The following CSMD1 variants were observed in gnomAD, a reference collection of about 807,000 sequenced individuals.
The protein encoded by CSMD1 is CUB and sushi domain-containing protein 1.
A neutral mutation model predicts 417.5 loss-of-function variants in CSMD1; 213 were observed. The observed-to-expected ratio is 0.51, with a 90% CI of 0.46 to 0.57. The LOEUF (loss-of-function observed/expected upper bound fraction) is 0.57, where lower values mean the gene tolerates loss of function less well. CSMD1 is among the 20% of genes least tolerant of loss of function. The pLI, the probability that CSMD1 is intolerant of heterozygous loss-of-function variation, is 0.00. For missense variants in CSMD1, 6,923 were observed against 4,529.7 expected (o/e 1.53, Z -15.17); for synonymous variants, 2,862 against 1,736.8 (o/e 1.65, Z -16.11).
At chr8:4,501,342 T>C (rs1453525487) in intron 2 of CSMD1, among the ~76,000 whole-genome samples, 1 of 152,176 alleles carries the variant, frequency 6.6e-6, no homozygotes, top group African/African-American at 2.4e-5. Flanking sequence ...GGTCATCATC[T>C]CATTTAAGGT....
At chr8:4,361,135 G>A (rs929653957) in intron 3 of CSMD1, among the ~76,000 whole-genome samples, 9 of 152,224 alleles carry the variant, frequency 5.9e-5, no homozygotes, top group African/African-American at 2.2e-4. Context: ...GAATCTCTGA[G>A]CTGAAGCTTT....
chr8:4,412,220 G>A (rs1796689031), intron 3 of CSMD1, among the ~76,000 whole-genome samples: 1 of 152,106 alleles, frequency 6.6e-6, no homozygotes, highest in Non-Finnish European at 1.5e-5. Flanking sequence ...CCCCAGTATT[G>A]GAGGTAGGGC....
At chr8:4,028,576 A>G (rs930305438) in intron 4 of CSMD1, among the ~76,000 whole-genome samples, 14 of 152,238 alleles carry the variant, frequency 9.2e-5, no homozygotes. Context: ...AGGAAATAAT[A>G]TAATGTTACA....
chr8:3,681,081 C>A (rs1032373785), intron 7 of CSMD1, among the ~76,000 whole-genome samples: 6 of 152,164 alleles, frequency 3.9e-5, no homozygotes, highest in African/African-American at 1.4e-4. Flanking sequence ...CAGCCAATAT[C>A]ATACTGAATG....
chr8:3,403,438 C>A (rs761565243), intron 15 of CSMD1, among the ~76,000 whole-genome samples: 2 of 152,192 alleles, frequency 1.3e-5, no homozygotes, highest in African/African-American at 2.4e-5. Context: ...TGCACTCAGT[C>A]ATTAGGTTTC....
At position 3,468,736 on chromosome 8, in the gene CSMD1, G is replaced by T. The variant is rs755820047; in HGVS notation, c.1537C>A (p.Pro513Thr). 3.0e-5 allele frequency: 48 copies of T among 1,604,974 alleles called. No homozygotes were observed. In the East Asian group the frequency reaches 9.2e-4, roughly 31 times the overall value. Reference sequence around the variant, plus strand: ...CCTTGGTAAACAGCTTTAAACCCAGGTGAGCCAATGCTATCATCCGACTGC... The same window carrying T: ...CCTTGGTAAACAGCTTTAAACCCAGTTGAGCCAATGCTATCATCCGACTGC... ...HLQSDDSIGS[P>T]GFKAVYQEIE... The change falls in exon 12 of 70, where the codon CCT (proline) becomes ACT (threonine). Residue 513 changes from proline to threonine, a missense_variant. By Grantham distance (38) the Pro-to-Thr change is conservative. Transcript: ENST00000635120.
At chr8:3,035,497 G>A (rs1006196261) in intron 50 of CSMD1, among the ~76,000 whole-genome samples, 1 of 152,092 alleles carries the variant, frequency 6.6e-6, no homozygotes, top group African/African-American at 2.4e-5. Context: ...CTGAACACTA[G>A]AAACAATACG....
At chr8:2,983,328 A>C (rs1309452298) in intron 54 of CSMD1, among the ~76,000 whole-genome samples, 2 of 152,034 alleles carry the variant, frequency 1.3e-5, no homozygotes, top group African/African-American at 4.8e-5. Flanking sequence ...CTGGTACTAC[A>C]GGCACCCGCC....
intron 1 of CSMD1, among the ~76,000 whole-genome samples, chr8:4,813,677 C>A (rs1469544219): frequency 6.6e-6 from 1 of 152,104 alleles, no homozygotes; most frequent in African/African-American, 2.4e-5. Flanking sequence ...GAGAATGACA[C>A]ACTATTAAGA....
rs1342443686 is a variant in CSMD1 at position 3,448,325 on chromosome 8, GAGCA to G, written c.1561+20383_1561+20386del. ...GTGGGAAGGAAGGAAGGAAGGAAGG[GAGCA>G]AGGGAGGGAGGGAGGGAGGAAGGAA... On this transcript the variant is annotated intron_variant, in intron 12 of 69. Coordinates refer to ENST00000635120, the MANE Select transcript of CSMD1 (RefSeq NM_033225.6). 2.7e-3 allele frequency among the ~76,000 whole-genome samples: 111 copies of G among 41,188 alleles called. 6 individuals are homozygous for G. The highest frequency in any genetic ancestry group is 9.5e-3 in the African/African-American group (72 of 7,580). 27.0% of individuals were successfully genotyped at this position (41,188 alleles called of 152,430 possible).
intron 5 of CSMD1, among the ~76,000 whole-genome samples, chr8:3,787,951 G>C (rs1421809313): frequency 6.6e-6 from 1 of 152,150 alleles, no homozygotes; most frequent in Middle Eastern, 3.2e-3. Flanking sequence ...AGAAATCCTT[G>C]CATGGGCTCC....
intron 4 of CSMD1, among the ~76,000 whole-genome samples, chr8:4,002,199 C>T (rs2554672): frequency 0.64 from 97,128 of 151,870 alleles, 31,263 homozygotes; most frequent in South Asian, 0.74. Flanking sequence ...GTGTTGGTGC[C>T]TGTGAGTGTG....
chr8:3,557,682 T>C (rs2116829684), intron 10 of CSMD1, among the ~76,000 whole-genome samples: 1 of 152,278 alleles, frequency 6.6e-6, no homozygotes, highest in South Asian at 2.1e-4. Context: ...ATAATCATTT[T>C]ACAATTCTCT....
chr8:3,283,890 C>G (rs1219038797), intron 26 of CSMD1, among the ~76,000 whole-genome samples: 1 of 152,232 alleles, frequency 6.6e-6, no homozygotes, highest in Admixed American at 6.5e-5. Flanking sequence ...GTTCCAGTGG[C>G]ATGCAAAATG....
chr8:3,802,997 T>G (rs1800541665), intron 5 of CSMD1, among the ~76,000 whole-genome samples: 1 of 152,212 alleles, frequency 6.6e-6, no homozygotes, highest in African/African-American at 2.4e-5. Flanking sequence ...AAATATTTAT[T>G]ATTTCCTTTT....
At chr8:4,211,187 C>T (rs926206759) in intron 3 of CSMD1, among the ~76,000 whole-genome samples, 2 of 149,828 alleles carry the variant, frequency 1.3e-5, no homozygotes, top group Non-Finnish European at 3.0e-5. Flanking sequence ...ACATGTATTT[C>T]AGGGAAAGTC....
At chr8:4,303,002 A>G (rs1387285526) in intron 3 of CSMD1, among the ~76,000 whole-genome samples, 2 of 152,160 alleles carry the variant, frequency 1.3e-5, no homozygotes, top group Non-Finnish European at 2.9e-5. Flanking sequence ...TAGACACAAA[A>G]TCCAAGAAAA....
At chr8:4,638,959 G>T (rs777385795) in intron 1 of CSMD1, among the ~76,000 whole-genome samples, 2 of 152,168 alleles carry the variant, frequency 1.3e-5, no homozygotes, top group Non-Finnish European at 2.9e-5. Flanking sequence ...TAGAACCCTT[G>T]AGTAAATTGT....
intron 2 of CSMD1, among the ~76,000 whole-genome samples, chr8:4,427,956 T>A (rs1231099601): frequency 3.3e-5 from 5 of 152,192 alleles, no homozygotes; most frequent in Admixed American, 2.6e-4. Context: ...TTTCAAATGT[T>A]TTTCTGACTC....
Sources: allele counts gnomAD v4.1 joint callset (sites outside exome capture counted in the v4.1 genomes callset), GRCh38; gene constraint gnomAD v4.1.1; transcripts MANE v1.5; gene names NCBI Gene and HGNC (gene_info 2026-07-23, HGNC 2026-07-21).